The following DOCK7 variants were observed in gnomAD, a reference collection of about 807,000 sequenced individuals.
DOCK7 encodes the protein dedicator of cytokinesis protein 7.
A neutral mutation model predicts 271.0 loss-of-function variants in DOCK7; 138 were observed. That is an observed-to-expected ratio of 0.51 (90% CI 0.44 to 0.59). The LOEUF is 0.59. DOCK7 is among the 20% of genes least tolerant of loss of function. DOCK7 has a pLI of 0.00. For missense variants in DOCK7, 2,066 were observed against 2,592.4 expected (o/e 0.80, Z 4.41); for synonymous variants, 823 against 876.1 (o/e 0.94, Z 1.07).
Position 62,565,568 on chromosome 1 carries a change from A to G in DOCK7, c.2113-3865T>C, listed in dbSNP as rs370914112. 3.3e-5 allele frequency among the ~76,000 whole-genome samples: 5 copies of G among 152,172 alleles called. No homozygotes were observed. In the South Asian group the frequency reaches 6.2e-4, roughly 19 times the overall value. On this transcript the variant is annotated intron_variant, in intron 18 of 49. Transcript: ENST00000635253. Reference sequence around the variant, plus strand: ...TATTGATGGAACATATCTCAAAATAATAAGAGCTATTTAAGACAAACCCAC... The same window carrying G: ...TATTGATGGAACATATCTCAAAATAGTAAGAGCTATTTAAGACAAACCCAC...
intron 31 of DOCK7, among the ~76,000 whole-genome samples, chr1:62,521,821 C>T (rs998082955): frequency 6.6e-6 from 1 of 152,034 alleles, no homozygotes; most frequent in South Asian, 2.1e-4. Flanking sequence ...ACTAAAAATA[C>T]AAACATTAGT....
Position 62,491,356 on chromosome 1 carries a change from G to A in DOCK7, c.5361+1348C>T, listed in dbSNP as rs140006624. Reference sequence around the variant, plus strand: ...TGAACCTCAGCGTGTCCTAAACCTCGGTGCTGGTACACTAAACATTTAGCA... The same window carrying A: ...TGAACCTCAGCGTGTCCTAAACCTCAGTGCTGGTACACTAAACATTTAGCA... On this transcript the variant is annotated intron_variant, in intron 41 of 49. Coordinates refer to ENST00000635253, the MANE Select transcript of DOCK7 (RefSeq NM_001367561.1). Among the ~76,000 whole-genome samples, 519 of 152,266 alleles carry A rather than the reference G, an allele frequency of 3.4e-3. 8 individuals are homozygous for A. Among genetic ancestry groups the A allele is most frequent in the African/African-American group, 0.011 (472 of 41,534 alleles).
intron 48 of DOCK7, among the ~76,000 whole-genome samples, chr1:62,469,562 G>A (rs188324225): frequency 2.7e-4 from 41 of 152,124 alleles, no homozygotes; most frequent in Non-Finnish European, 4.6e-4. Context: ...AGATAAATAG[G>A]CAGGACTCAA....
At chr1:62,462,914 C>CTTTTTTTT (rs34400688) in intron 48 of DOCK7, among the ~76,000 whole-genome samples, 4 of 79,350 alleles carry the variant, frequency 5.0e-5, no homozygotes, top group Non-Finnish European at 6.8e-5. Flanking sequence ...GTAGAAAAAG[C>CTTTTTTTT]TTTTTTTTTT....
At position 62,688,242 on chromosome 1, in the gene DOCK7, G is replaced by A. The variant is rs1485597468; in HGVS notation, c.23C>T (p.Ala8Val). Residue 8 changes from alanine to valine, a missense_variant, in exon 1 of 50, where the codon GCC becomes GTC. Ala to Val is a moderately conservative substitution (Grantham distance 64, BLOSUM62 0). Transcript: ENST00000635253. MAERRAF[A>V]QKISRTVAAE... ...GGATATTTACCTGCTGATCTTCTGG[G>A]CGAAGGCGCGGCGCTCGGCCATGGC... 2 of 1,374,664 alleles carry A rather than the reference G, an allele frequency of 1.5e-6. No homozygotes were observed. Among genetic ancestry groups the A allele is most frequent in the African/African-American group, 1.5e-5 (1 of 66,336 alleles). The allele number at this position is 1,374,664 out of a possible 1,614,324, so 85.2% of individuals were successfully genotyped here.
At chr1:62,684,602 A>C (rs760425257) in intron 1 of DOCK7, among the ~76,000 whole-genome samples, 11 of 152,224 alleles carry the variant, frequency 7.2e-5, no homozygotes, top group Non-Finnish European at 1.3e-4. Flanking sequence ...AAAGTGCTTT[A>C]AGTGTACACA....
intron 14 of DOCK7, chr1:62,604,334 TC>T: frequency 6.9e-7 from 1 of 1,454,600 alleles, no homozygotes; most frequent in East Asian, 2.3e-5. Context: ...AAAATCCGAA[TC>T]CCAAATAAGC....
At chr1:62,461,255 T>C (rs1645516457) in intron 48 of DOCK7, among the ~76,000 whole-genome samples, 1 of 152,090 alleles carries the variant, frequency 6.6e-6, no homozygotes, top group South Asian at 2.1e-4. Flanking sequence ...TAAATATCAT[T>C]ATAAGACAAG....
At chr1:62,654,255 C>T in intron 2 of DOCK7, 96 bp from the exon 3 acceptor site, 1 of 1,197,824 alleles carries the variant, frequency 8.3e-7, no homozygotes, top group South Asian at 1.7e-5. Context: ...TAAATAAAAG[C>T]TTTTAATCTA....
chr1:62,602,445 T>C (rs2149537617), intron 14 of DOCK7: 2 of 1,408,254 alleles, frequency 1.4e-6, no homozygotes, highest in Non-Finnish European at 2.0e-6. Context: ...GAGAACCTCT[T>C]ATGGACCAGG....
At chr1:62,645,187 T>C (rs1656498543) in intron 7 of DOCK7, among the ~76,000 whole-genome samples, 1 of 152,168 alleles carries the variant, frequency 6.6e-6, no homozygotes, top group East Asian at 1.9e-4. Flanking sequence ...CTAACCATAA[T>C]TCCTATCCTA....
intron 37 of DOCK7, among the ~76,000 whole-genome samples, chr1:62,503,709 G>A (rs1321176136): frequency 6.6e-6 from 1 of 151,912 alleles, no homozygotes; most frequent in South Asian, 2.1e-4. Flanking sequence ...CCAAAGTGTT[G>A]GGATTACACG....
chr1:62,677,796 GAC>G (rs1402064867), intron 1 of DOCK7, among the ~76,000 whole-genome samples: 4 of 152,152 alleles, frequency 2.6e-5, no homozygotes, highest in African/African-American at 9.7e-5. Flanking sequence ...GCTATCATTA[GAC>G]CAGTGAAACA....
chr1:62,654,153 G>C lies in DOCK7; in HGVS notation c.151C>G (p.Leu51Val). ...GNISHHTTVP[L>V]TEAVDPVDLE... ...TCCACTGGATCTACTGCTTCGGTAA[G>C]GGGCACCTTTGTAAAAAGTTGGGAT... The change falls in exon 3 of 50, where the codon CTT becomes GTT. Residue 51 changes from leucine to valine, a missense_variant. Around this residue, in one of 2 missense-constraint regions of DOCK7, gnomAD observed 1,414 missense variants for 1,670.4 expected, o/e 0.85. Coordinates refer to ENST00000635253, the MANE Select transcript of DOCK7 (RefSeq NM_001367561.1). 6.2e-7 allele frequency: 1 copy of C among 1,609,338 alleles called. No individual in the cohort carries two copies.
chr1:62,527,626 G>A (rs900936856), intron 31 of DOCK7, among the ~76,000 whole-genome samples: 8 of 151,000 alleles, frequency 5.3e-5, no homozygotes, highest in Admixed American at 3.3e-4. Context: ...ACTATTGCAA[G>A]GACAAAAAAC....
In DOCK7 at chr1:62,597,938, T is replaced by C. The variant is rs540771692; in HGVS notation, c.1683-11314A>G. 9 of 1,550,846 alleles carry C rather than the reference T, an allele frequency of 5.8e-6. No homozygotes were observed. The African/African-American group carries it at 1.2e-4, about 22-fold the overall frequency. On this transcript the variant is annotated intron_variant, in intron 14 of 49. Transcript: ENST00000635253. ...TGTCACTTGAACTCAACTCAAAACT[T>C]GAAAGCCTCCTAGAAGAAAAAATTC...
intron 6 of DOCK7, 141 bp from the exon 7 acceptor site, chr1:62,647,917 C>T: frequency 9.7e-6 from 8 of 825,712 alleles, no homozygotes; most frequent in Non-Finnish European, 1.6e-5. Flanking sequence ...TATCCACAGA[C>T]AGAAGTCATT....
chr1:62,515,786 G>T (rs547275390), intron 31 of DOCK7, among the ~76,000 whole-genome samples: 1 of 152,316 alleles, frequency 6.6e-6, no homozygotes, highest in Admixed American at 6.5e-5. Context: ...AACAAGGTGG[G>T]ATGTGGGGAG....
chr1:62,525,824 T>G (rs1272107917), intron 31 of DOCK7, among the ~76,000 whole-genome samples: 1 of 152,188 alleles, frequency 6.6e-6, no homozygotes, highest in Non-Finnish European at 1.5e-5. Context: ...AATGACACCA[T>G]CAAGAAAGTA....
Sources: gnomAD v4.1 joint callset for allele counts (sites outside exome capture counted in the v4.1 genomes callset) on GRCh38, gnomAD v4.1.1 for gene constraint, gnomAD v4.1.1 regional missense constraint, MANE v1.5 for transcripts, NCBI Gene and HGNC (gene_info 2026-07-23, HGNC 2026-07-21) for gene names.